The following TMEM67 variants were observed in gnomAD, a reference collection of about 807,000 sequenced individuals.
TMEM67 encodes meckelin.
In TMEM67, 124 loss-of-function variants were observed where a neutral mutation model predicts 136.6. That is an observed-to-expected ratio of 0.91 (90% CI 0.78 to 1.05). The LOEUF is 1.05. TMEM67 is among the 50% of genes least tolerant of loss of function. TMEM67 has a pLI of 0.00. For missense variants in TMEM67, 1,107 were observed against 1,178.4 expected, an observed-to-expected ratio of 0.94 and a Z score of 0.89; for synonymous variants, 364 against 390.5, an observed-to-expected ratio of 0.93 and a Z score of 0.80.
chr8:93,769,789 T>C (rs1300194105), intron 6 of TMEM67, among the ~76,000 whole-genome samples: 1 of 152,224 alleles, frequency 6.6e-6, no homozygotes, highest in African/African-American at 2.4e-5. Context: ...TACATGTTTA[T>C]TAGTTTATGT....
chr8:93,820,395 G>A (rs1052193698), downstream of TMEM67, among the ~76,000 whole-genome samples: 8 of 152,244 alleles, frequency 5.3e-5, 1 homozygote, highest in African/African-American at 7.2e-5. Flanking sequence ...TCTCCATCAC[G>A]TGCATGGAGT....
At chr8:93,810,051 C>G (rs1402140667) in intron 26 of TMEM67, 164 bp downstream of exon 26, 3 of 468,378 alleles carry the variant, frequency 6.4e-6, no homozygotes, top group East Asian at 3.9e-5. Context: ...TTACTGCAAG[C>G]TCCGCCTCCC....
chr8:93,815,930 T>C (rs1808889648), intron 27 of TMEM67, among the ~76,000 whole-genome samples: 1 of 152,256 alleles, frequency 6.6e-6, no homozygotes, highest in Non-Finnish European at 1.5e-5. Flanking sequence ...GGCAAATCTG[T>C]TCTTGAAATG....
downstream of TMEM67, among the ~76,000 whole-genome samples, chr8:93,821,016 C>T (rs913636304): frequency 7.2e-5 from 11 of 152,072 alleles, no homozygotes; most frequent in Non-Finnish European, 1.2e-4. Flanking sequence ...CACAGATGAT[C>T]AGTAGAATGA....
intron 2 of TMEM67, 62 bp from the exon 3 acceptor site, chr8:93,758,421 A>T: frequency 7.9e-7 from 1 of 1,264,950 alleles, no homozygotes. Flanking sequence ...TTTTGAACTT[A>T]CATGATTAGA....
intron 11 of TMEM67, among the ~76,000 whole-genome samples, chr8:93,783,021 G>T (rs1042757023): frequency 2.0e-5 from 3 of 152,058 alleles, no homozygotes; most frequent in African/African-American, 4.8e-5. Flanking sequence ...GTCTCGCTCT[G>T]TTGCCCAGGC....
At chr8:93,785,656 A>C in intron 12 of TMEM67, 1 of 322,794 alleles carries the variant, frequency 3.1e-6, no homozygotes, top group Non-Finnish European at 5.6e-6. Flanking sequence ...TTTTTCGTCA[A>C]GCTGTCCCGA....
At chr8:93,813,876 A>G (rs984197254) in intron 26 of TMEM67, among the ~76,000 whole-genome samples, 52 of 152,198 alleles carry the variant, frequency 3.4e-4, no homozygotes, top group African/African-American at 8.7e-4. Context: ...AAGAGAGAGC[A>G]TGTAAAACAG....
chr8:93,774,794 A>G (rs1449953969), intron 7 of TMEM67, among the ~76,000 whole-genome samples: 3 of 152,126 alleles, frequency 2.0e-5, no homozygotes, highest in Non-Finnish European at 4.4e-5. Context: ...AGTCTTTGCT[A>G]TTGTGAATAG....
intron 7 of TMEM67, among the ~76,000 whole-genome samples, chr8:93,773,639 A>G (rs1158893256): frequency 6.6e-6 from 1 of 152,236 alleles, no homozygotes. Flanking sequence ...TTTCACATGA[A>G]TAACTGTAAA....
Position 93,795,168 on chromosome 8 carries a change from A to G in TMEM67, c.1675-241A>G, listed in dbSNP as rs1252913571. The stretch of plus-strand genomic sequence containing the variant: ...TTAGGAAGCAGTTCAATTTTCTTAG[A>G]TAGTGAAAGATGAGAAGAGTTGAAA... On this transcript the variant is annotated intron_variant, in intron 16 of 27. Transcript: ENST00000453321. 6.0e-5 allele frequency: 34 copies of G among 568,900 alleles called. 1 individual carries two copies. Among genetic ancestry groups the G allele is most frequent in the Non-Finnish European group, 8.5e-5 (27 of 319,262 alleles). 35.2% of individuals were successfully genotyped at this position (568,900 alleles called of 1,614,324 possible). A position where few individuals can be genotyped will look rare whatever the true frequency, so the allele number is the denominator to read the frequency against.
chr8:93,783,146 C>T (rs572067928), intron 11 of TMEM67, among the ~76,000 whole-genome samples: 1 of 152,206 alleles, frequency 6.6e-6, no homozygotes, highest in Non-Finnish European at 1.5e-5. Context: ...CCACCACACC[C>T]AGCTAATTCT....
At chr8:93,830,172 A>G in the TMEM67 span, among the ~76,000 whole-genome samples, 2,779 of 152,276 alleles carry the variant, frequency 0.018, 84 homozygotes, top group African/African-American at 0.061. Context: ...ATCCGAGGAC[A>G]TCTCCATAAA....
intron 23 of TMEM67, among the ~76,000 whole-genome samples, chr8:93,806,392 C>T (rs1482624553): frequency 6.6e-6 from 1 of 151,938 alleles, no homozygotes; most frequent in African/African-American, 2.4e-5. Flanking sequence ...GAAATACATA[C>T]AAAGCATTTA....
At position 93,763,895 on chromosome 8, in the gene TMEM67, G is replaced by A; in HGVS notation, c.460G>A (p.Asp154Asn). ...GTCTCAAGCAACTTGTGAGCTCTGT[G>A]ATGGAAATGAAAACTCTTTTATGGT... ...LLSQATCELC[D>N]GNENSFMVVN... Residue 154 changes from aspartate to asparagine, a missense_variant, in exon 4 of 28, where the codon GAT (aspartate) becomes AAT (asparagine). Transcript: ENST00000453321. The A allele has an allele frequency of 6.2e-7, 1 of 1,613,932 alleles. No individual in the cohort carries two copies. The highest frequency in any genetic ancestry group is 2.2e-5 in the East Asian group (1 of 44,838).
At chr8:93,815,181 G>T in intron 26 of TMEM67, 124 bp from the exon 27 acceptor site, 1 of 586,670 alleles carries the variant, frequency 1.7e-6, no homozygotes, top group Non-Finnish European at 2.9e-6. Context: ...AAGCCATGAA[G>T]TATTGTATAC....
At chr8:93,821,858 C>T (rs1317335262), downstream of TMEM67, among the ~76,000 whole-genome samples, 1 of 152,184 alleles carries the variant, frequency 6.6e-6, no homozygotes, top group Non-Finnish European at 1.5e-5. Flanking sequence ...CACCATTGAA[C>T]TCCAGCCTGC....
chr8:93,827,796 A>G, the TMEM67 span, among the ~76,000 whole-genome samples: 2 of 149,608 alleles, frequency 1.3e-5, no homozygotes, highest in African/African-American at 4.9e-5. Flanking sequence ...CACTGGTTTC[A>G]TTTGGGATGG....
At chr8:93,771,194 C>T (rs987548195) in intron 6 of TMEM67, among the ~76,000 whole-genome samples, 2 of 151,340 alleles carry the variant, frequency 1.3e-5, no homozygotes, top group Admixed American at 1.3e-4. Context: ...CTATTATTCC[C>T]TCTAGATTTA....
Sources: allele counts gnomAD v4.1 joint callset (sites outside exome capture counted in the v4.1 genomes callset), GRCh38; gene constraint gnomAD v4.1.1; transcripts MANE v1.5; gene names NCBI Gene and HGNC (gene_info 2026-07-23, HGNC 2026-07-21).